Variants in CHRDL1 observed in about 807,000 individuals in gnomAD.
CHRDL1 encodes chordin-like protein 1.
In CHRDL1, 19 loss-of-function variants were observed where a neutral mutation model predicts 40.9. The ratio of observed to expected loss-of-function variants is 0.46; its 90% CI spans 0.32 to 0.68. The LOEUF is 0.68. Among genes scored for constraint, CHRDL1 ranks in the 30% least tolerant of loss-of-function variants. CHRDL1 has a pLI of 0.03. For synonymous variants in CHRDL1, 136 were observed against 123.4 expected, an observed-to-expected ratio of 1.10 and a Z score of -0.68; for missense variants, 329 against 352.1, an observed-to-expected ratio of 0.93 and a Z score of 0.53.
chrX:110,792,108 C>T lies in CHRDL1; in HGVS notation c.74G>A (p.Gly25Asp), dbSNP rs755227986. ...SLLFFLLLEG[G>D]KTEQVKHSET... ...CTTACGTTTTACTTGCTCTGTTTTG[C>T]CTCCTTCTAGCAAAAGAAAGAACAA... Residue 25 changes from glycine to aspartate, a missense_variant, in exon 2 of 12, where the codon GGC becomes GAC. Transcript: ENST00000372042. 2.3e-5 allele frequency: 27 copies of T among 1,183,813 alleles called. No homozygotes were observed. In the South Asian group the frequency reaches 3.9e-4, roughly 17 times the overall value.
intron 10 of CHRDL1, among the ~76,000 whole-genome samples, chrX:110,680,984 T>A (rs898770495): frequency 8.9e-6 from 1 of 112,218 alleles, no homozygotes; most frequent in Non-Finnish European, 1.9e-5. Context: ...AGCTTTGCCC[T>A]GAATGAATGG....
chrX:110,732,634 C>CA (rs1188474502), intron 4 of CHRDL1, among the ~76,000 whole-genome samples: 1 of 111,703 alleles, frequency 9.0e-6, no homozygotes, highest in East Asian at 2.8e-4. Flanking sequence ...CAGCTGCTGT[C>CA]AGTCAGTAGC....
intron 2 of CHRDL1, among the ~76,000 whole-genome samples, chrX:110,767,322 T>G (rs1020481298): frequency 9.0e-6 from 1 of 110,628 alleles, no homozygotes; most frequent in African/African-American, 3.3e-5. Flanking sequence ...TTCAACAAAG[T>G]AATGGAAGTC....
At position 110,689,923 on chromosome X, in the gene CHRDL1, CTATATATCTA is replaced by C. The variant is rs1569462469; in HGVS notation, c.779-1130_779-1121del. Among the ~76,000 whole-genome samples the C allele has an allele frequency of 2.3e-4, 3 of 13,251 alleles. 1 individual carries two copies. The highest frequency in any genetic ancestry group is 2.5e-3 in the African/African-American group (2 of 806). 11.5% of individuals were successfully genotyped at this position (13,251 alleles called of 115,157 possible). On this transcript the variant is annotated intron_variant, in intron 8 of 11. Coordinates refer to ENST00000372042, the MANE Select transcript of CHRDL1 (RefSeq NM_001143981.2). ...TATATATCTATATATCTATATATAT[CTATATATCTA>C]TATATATCTATATATCTATATATAT...
Position 110,719,845 on chromosome X carries a change from C to T in CHRDL1, c.531G>A (p.Arg177=), listed in dbSNP as rs1443536947. 1.7e-6 allele frequency: 2 copies of T among 1,200,427 alleles called. No homozygotes were observed. Among genetic ancestry groups the T allele is most frequent in the South Asian group, 1.8e-5 (1 of 56,530 alleles). The stretch of plus-strand genomic sequence containing the variant: ...ATATAACACACCTACCTCTGCATAC[C>T]CGGCAGCAGGAATCTGGAACAGAGA... The part of the protein sequence containing the change: ...FPVSVPDSCC[R]VCRGDGELSW... Residue 177 remains arginine (R), a synonymous_variant, in exon 6 of 12, where the codon CGG becomes CGA. Transcript: ENST00000372042.
At chrX:110,732,529 G>A (rs150992454) in intron 4 of CHRDL1, among the ~76,000 whole-genome samples, 16 of 111,970 alleles carry the variant, frequency 1.4e-4, no homozygotes, top group African/African-American at 4.9e-4. Flanking sequence ...GGAAGAGGGC[G>A]CTGAAAGCTC....
In CHRDL1 at chrX:110,676,104, G is replaced by T; in HGVS notation, c.*127C>A. On this transcript the variant is annotated 3_prime_UTR_variant, in exon 12 of 12. Transcript: ENST00000372042. ...CAAAGGAGCAAATTATGCTGTGCAT[G>T]GCGTGAATAATTGACTGCATTTGAG... 1.5e-6 allele frequency: 1 copy of T among 662,468 alleles called. No homozygotes were observed. The highest frequency in any genetic ancestry group is 2.3e-6 in the Non-Finnish European group (1 of 437,678). The allele number at this position is 662,468 out of a possible 1,213,427, so 54.6% of individuals were successfully genotyped here.
intron 2 of CHRDL1, among the ~76,000 whole-genome samples, chrX:110,771,576 G>A (rs781620656): frequency 8.9e-6 from 1 of 112,215 alleles, no homozygotes; most frequent in Non-Finnish European, 1.9e-5. Flanking sequence ...ACCAAAGAAG[G>A]AAAATCATGT....
rs189773635 is a variant in CHRDL1 at position 110,705,906 on chromosome X, A to G, written c.542-5185T>C. On this transcript the variant is annotated intron_variant, in intron 6 of 11. Coordinates refer to ENST00000372042, the MANE Select transcript of CHRDL1 (RefSeq NM_001143981.2). ...TGCCTCTGAGCTTTCAAAGTCATCA[A>G]AATTGCATTCTCTAAACTTCAATGT... 2.8e-4 allele frequency among the ~76,000 whole-genome samples: 31 copies of G among 110,414 alleles called. No homozygotes were observed. The Middle Eastern group carries it at 0.014, about 51-fold the overall frequency.
At chrX:110,760,429 C>T (rs1181006472) in intron 3 of CHRDL1, among the ~76,000 whole-genome samples, 1 of 112,524 alleles carries the variant, frequency 8.9e-6, no homozygotes, top group Non-Finnish European at 1.9e-5. Flanking sequence ...TTTTCATTTA[C>T]ATTTTCCATC....
At chrX:110,787,465 G>A (rs1209184701) in intron 2 of CHRDL1, among the ~76,000 whole-genome samples, 3 of 111,871 alleles carry the variant, frequency 2.7e-5, no homozygotes, top group East Asian at 2.8e-4. Context: ...TATTCCTTTC[G>A]TCTAATTCCA....
At chrX:110,685,714 C>T (rs758036794) in intron 9 of CHRDL1, among the ~76,000 whole-genome samples, 4 of 111,151 alleles carry the variant, frequency 3.6e-5, no homozygotes, top group African/African-American at 1.3e-4. Context: ...TAATATTCCA[C>T]GGTACAGATA....
intron 7 of CHRDL1, among the ~76,000 whole-genome samples, chrX:110,697,993 T>C (rs532497844): frequency 9.0e-6 from 1 of 111,245 alleles, no homozygotes; most frequent in Non-Finnish European, 1.9e-5. Context: ...GAACCACTGG[T>C]TCCTCTTCCT....
At chrX:110,746,020 T>C (rs1000362229) in intron 4 of CHRDL1, among the ~76,000 whole-genome samples, 8 of 112,093 alleles carry the variant, frequency 7.1e-5, no homozygotes, top group African/African-American at 2.3e-4. Flanking sequence ...CTCTTGTTGC[T>C]GCCCACTAAA....
At chrX:110,734,205 C>T (rs1445836052) in intron 4 of CHRDL1, among the ~76,000 whole-genome samples, 8 of 111,084 alleles carry the variant, frequency 7.2e-5, no homozygotes, top group Non-Finnish European at 1.3e-4. Flanking sequence ...TTTCATGACC[C>T]AAAAGAAGTA....
intron 2 of CHRDL1, among the ~76,000 whole-genome samples, chrX:110,772,342 A>G (rs1266648615): frequency 8.8e-6 from 1 of 113,051 alleles, no homozygotes; most frequent in Non-Finnish European, 1.9e-5. Flanking sequence ...GACTTAATAT[A>G]AAATTACACT....
intron 2 of CHRDL1, among the ~76,000 whole-genome samples, chrX:110,784,427 T>C (rs1316161996): frequency 8.9e-6 from 1 of 111,761 alleles, no homozygotes; most frequent in Non-Finnish European, 1.9e-5. Context: ...GTGTTTTTTG[T>C]TTGAGATGGA....
intron 4 of CHRDL1, among the ~76,000 whole-genome samples, chrX:110,726,376 C>T (rs2071057945): frequency 9.0e-6 from 1 of 111,714 alleles, no homozygotes; most frequent in Non-Finnish European, 1.9e-5. Context: ...TTGTTCGCCC[C>T]TTCTACTATA....
At chrX:110,689,699 CTATATATCTA>C (rs1186143522) in intron 8 of CHRDL1, among the ~76,000 whole-genome samples, 3 of 29,609 alleles carry the variant, frequency 1.0e-4, no homozygotes, top group African/African-American at 8.1e-4. Context: ...ATCTATATAT[CTATATATCTA>C]TATATATATC....
Sources: gnomAD v4.1 joint callset for allele counts (sites outside exome capture counted in the v4.1 genomes callset) on GRCh38, gnomAD v4.1.1 for gene constraint, MANE v1.5 for transcripts, NCBI Gene and HGNC (gene_info 2026-07-23, HGNC 2026-07-21) for gene names.